The following THSD4 variants were observed in gnomAD, a reference collection of about 807,000 sequenced individuals.
The protein encoded by THSD4 is thrombospondin type 1 domain containing 4.
Under a neutral mutation model 119.0 loss-of-function variants are expected in THSD4, and 69 were observed. The ratio of observed to expected loss-of-function variants is 0.58; its 90% confidence interval spans 0.48 to 0.71. The LOEUF (loss-of-function observed/expected upper bound fraction) is 0.71. Ranked by LOEUF, THSD4 falls within the 30% of genes least tolerant of loss-of-function variation. The pLI is 0.00. For synonymous variants in THSD4, 524 were observed against 540.4 expected (o/e 0.97, Z 0.42); for missense variants, 1,393 against 1,391.1 (o/e 1.00, Z -0.02).
chr15:71,380,080 C>T (rs1230189139), intron 6 of THSD4, among the ~76,000 whole-genome samples: 1 of 152,118 alleles, frequency 6.6e-6, no homozygotes, highest in Non-Finnish European at 1.5e-5. Context: ...GGCTGAGACT[C>T]AGCTACTTAT....
intron 7 of THSD4, among the ~76,000 whole-genome samples, chr15:71,430,075 T>A (rs987298219): frequency 6.6e-6 from 1 of 152,172 alleles, no homozygotes; most frequent in African/African-American, 2.4e-5. Flanking sequence ...TGTAAGTTTG[T>A]TCAAATATAA....
intron 3 of THSD4, among the ~76,000 whole-genome samples, chr15:71,183,751 A>G (rs1036036117): frequency 1.6e-5 from 2 of 126,466 alleles, no homozygotes; most frequent in African/African-American, 2.6e-5. Context: ...ATTTATCCAC[A>G]TCAGAGTTCC....
intron 6 of THSD4, among the ~76,000 whole-genome samples, chr15:71,408,715 G>C (rs1410010109): frequency 6.6e-6 from 1 of 152,120 alleles, no homozygotes; most frequent in East Asian, 1.9e-4. Context: ...AGCTGGGTGT[G>C]GTGGTGCATA....
intron 6 of THSD4, among the ~76,000 whole-genome samples, chr15:71,349,286 G>A (rs976531293): frequency 3.3e-5 from 5 of 152,200 alleles, no homozygotes; most frequent in Non-Finnish European, 5.9e-5. Context: ...GCCCAGAAAA[G>A]CACCTAAAAT....
intron 6 of THSD4, among the ~76,000 whole-genome samples, chr15:71,346,798 G>A (rs1487742985): frequency 2.7e-5 from 4 of 149,280 alleles, no homozygotes; most frequent in Admixed American, 2.7e-4. Flanking sequence ...GTATTCATCT[G>A]TATATTAAAA....
intron 1 of THSD4, among the ~76,000 whole-genome samples, chr15:71,102,926 C>T (rs1015474341): frequency 2.0e-5 from 3 of 152,144 alleles, no homozygotes; most frequent in Non-Finnish European, 4.4e-5. Context: ...GTTTCAGGAG[C>T]ACTTTCCCTT....
intron 8 of THSD4, among the ~76,000 whole-genome samples, chr15:71,701,888 A>G (rs2052296792): frequency 1.3e-5 from 2 of 152,200 alleles, no homozygotes; most frequent in Non-Finnish European, 2.9e-5. Context: ...GTTTTTAATG[A>G]TCATGCATTG....
intron 6 of THSD4, among the ~76,000 whole-genome samples, chr15:71,272,502 A>T (rs895426508): frequency 3.3e-5 from 5 of 151,834 alleles, no homozygotes; most frequent in African/African-American, 1.2e-4. Flanking sequence ...CAACAGGTAT[A>T]TGTTAAAATG....
chr15:71,695,688 C>T (rs1476551724), intron 8 of THSD4, among the ~76,000 whole-genome samples: 5 of 151,160 alleles, frequency 3.3e-5, no homozygotes, highest in African/African-American at 9.9e-5. Flanking sequence ...GGAGCCACAG[C>T]CCCTGCACAC....
intron 7 of THSD4, among the ~76,000 whole-genome samples, chr15:71,455,014 A>G (rs768053491): frequency 2.6e-5 from 4 of 152,086 alleles, no homozygotes; most frequent in Non-Finnish European, 4.4e-5. Context: ...CTCCCTTCCT[A>G]TGCCCACCTT....
intron 7 of THSD4, among the ~76,000 whole-genome samples, chr15:71,560,496 A>G (rs1167296144): frequency 6.6e-6 from 1 of 152,226 alleles, no homozygotes. Context: ...TGAGATCAGG[A>G]ACAGCCTATG....
chr15:71,637,736 T>G (rs1002911162), intron 7 of THSD4, among the ~76,000 whole-genome samples: 3 of 152,054 alleles, frequency 2.0e-5, no homozygotes, highest in African/African-American at 7.3e-5. Context: ...GAATTTTTTT[T>G]TTTTTTGAGA....
chr15:71,259,998 G>A (rs1261211496), intron 6 of THSD4, among the ~76,000 whole-genome samples: 5 of 152,168 alleles, frequency 3.3e-5, no homozygotes, highest in African/African-American at 4.8e-5. Flanking sequence ...AGCAGTGTGC[G>A]TTCTGTAATT....
chr15:71,668,343 A>T (rs1172730924), intron 8 of THSD4, among the ~76,000 whole-genome samples: 15 of 152,160 alleles, frequency 9.9e-5, no homozygotes, highest in African/African-American at 3.6e-4. Context: ...AGATGGGAGG[A>T]TGTTCACTAG....
intron 8 of THSD4, among the ~76,000 whole-genome samples, chr15:71,663,775 T>C (rs374099572): frequency 1.3e-5 from 2 of 152,270 alleles, no homozygotes; most frequent in East Asian, 3.9e-4. Context: ...CAAAGAGATA[T>C]GTGGTAGGTT....
chr15:71,642,856 C>T lies in THSD4; in HGVS notation c.1153-17674C>T, dbSNP rs533968812. Among the ~76,000 whole-genome samples the T allele has an allele frequency of 2.8e-3, 426 of 151,962 alleles. 4 individuals are homozygous for T. Among genetic ancestry groups the T allele is most frequent in the African/African-American group, 7.9e-3 (327 of 41,444 alleles). On this transcript the variant is annotated intron_variant, in intron 7 of 17. Coordinates refer to ENST00000261862, the MANE Select transcript of THSD4 (RefSeq NM_024817.3). ...AAGAGATATACCTAATGCTAAATGA[C>T]GAGTTAATGGGTGCAGCACACCAGC... is the stretch of plus-strand genomic sequence containing the variant.
chr15:71,356,059 G>A (rs1035286400), intron 6 of THSD4, among the ~76,000 whole-genome samples: 1 of 151,914 alleles, frequency 6.6e-6, no homozygotes, highest in South Asian at 2.1e-4. Flanking sequence ...GTAGAGACAG[G>A]GTTTCACCGT....
chr15:71,595,667 G>A (rs985753552), intron 7 of THSD4, among the ~76,000 whole-genome samples: 18 of 152,258 alleles, frequency 1.2e-4, no homozygotes, highest in African/African-American at 4.1e-4. Flanking sequence ...CAAGTCCAGG[G>A]GATGCAGATT....
chr15:71,147,042 C>G (rs1445496116), intron 2 of THSD4, among the ~76,000 whole-genome samples: 2 of 152,198 alleles, frequency 1.3e-5, no homozygotes, highest in African/African-American at 4.8e-5. Context: ...GACCCCTCCT[C>G]TTCCTGCCAG....
Sources: allele counts gnomAD v4.1 joint callset (sites outside exome capture counted in the v4.1 genomes callset), GRCh38; gene constraint gnomAD v4.1.1; transcripts MANE v1.5; gene names NCBI Gene and HGNC (gene_info 2026-07-23, HGNC 2026-07-21).